Variants in SCAPER observed in about 807,000 individuals in gnomAD.
The protein encoded by SCAPER is S-phase cyclin A associated protein in the ER.
In SCAPER, 98 loss-of-function variants were observed where a neutral mutation model predicts 182.2. The ratio of observed to expected loss-of-function variants is 0.54; its 90% CI spans 0.46 to 0.64. The LOEUF is 0.64. SCAPER is among the 30% of genes least tolerant of loss of function. SCAPER has a pLI of 0.00. For synonymous variants in SCAPER, 605 were observed against 564.6 expected (o/e 1.07, Z -1.01); for missense variants, 1,432 against 1,690.0 (o/e 0.85, Z 2.68).
intron 20 of SCAPER, among the ~76,000 whole-genome samples, chr15:76,699,111 T>G (rs949640586): frequency 2.0e-5 from 3 of 152,336 alleles, no homozygotes; most frequent in African/African-American, 4.8e-5. Context: ...TCTACATTCA[T>G]TTTGTGTCCT....
chr15:76,391,045 A>C (rs1172662613), intron 27 of SCAPER, among the ~76,000 whole-genome samples: 2 of 152,052 alleles, frequency 1.3e-5, no homozygotes, highest in Non-Finnish European at 2.9e-5. Flanking sequence ...CAGATTTCTC[A>C]CCTTTCTGTC....
Position 76,436,471 on chromosome 15 carries a change from T to C in SCAPER, c.3079-2161A>G, listed in dbSNP as rs1277542062. On this transcript the variant is annotated intron_variant, in intron 25 of 31. Transcript: ENST00000563290. ...TTTCCTGCTTCTTTGGAGACTTCCT[T>C]ATTTTCTGGTCCTATTACTTTTTTT... Among the ~76,000 whole-genome samples, 10 of 152,302 alleles carry C rather than the reference T, an allele frequency of 6.6e-5. No individual in the cohort carries two copies. The East Asian group carries it at 1.9e-3, about 29-fold the overall frequency.
At chr15:76,851,109 T>G (rs1228916798) in intron 4 of SCAPER, among the ~76,000 whole-genome samples, 2 of 151,996 alleles carry the variant, frequency 1.3e-5, no homozygotes, top group Non-Finnish European at 2.9e-5. Context: ...ATCTCAGAAC[T>G]TGAAGGCTGG....
chr15:76,428,813 T>C (rs1195386333), intron 26 of SCAPER, among the ~76,000 whole-genome samples: 3 of 141,198 alleles, frequency 2.1e-5, no homozygotes, highest in Non-Finnish European at 3.0e-5. Context: ...TTACCACAAA[T>C]GACAAATGTA....
chr15:76,870,724 A>C (rs1312064405), intron 2 of SCAPER, among the ~76,000 whole-genome samples: 1 of 152,104 alleles, frequency 6.6e-6, no homozygotes, highest in Non-Finnish European at 1.5e-5. Context: ...AAGAGACATA[A>C]GAAATTTTTA....
At chr15:76,624,775 A>C (rs2052415569) in intron 21 of SCAPER, among the ~76,000 whole-genome samples, 1 of 152,142 alleles carries the variant, frequency 6.6e-6, no homozygotes, top group Non-Finnish European at 1.5e-5. Flanking sequence ...AAACACTGAT[A>C]CCGGCGTTAG....
chr15:76,534,998 C>A (rs1416916757), intron 23 of SCAPER, among the ~76,000 whole-genome samples: 2 of 151,952 alleles, frequency 1.3e-5, no homozygotes, highest in Non-Finnish European at 2.9e-5. Flanking sequence ...GAGGTCACTG[C>A]AAAACATGGT....
intron 20 of SCAPER, among the ~76,000 whole-genome samples, chr15:76,681,344 T>A (rs2057691042): frequency 6.6e-6 from 1 of 152,148 alleles, no homozygotes; most frequent in East Asian, 1.9e-4. Flanking sequence ...AAACAAATCC[T>A]CAACTAAAAG....
intron 23 of SCAPER, among the ~76,000 whole-genome samples, chr15:76,515,303 T>A (rs1335064785): frequency 6.6e-6 from 1 of 152,202 alleles, no homozygotes; most frequent in Non-Finnish European, 1.5e-5. Flanking sequence ...GTGCAGTAAC[T>A]GAAGGACAGA....
At chr15:76,651,537 T>C (rs1189195480) in intron 21 of SCAPER, among the ~76,000 whole-genome samples, 1 of 148,446 alleles carries the variant, frequency 6.7e-6, no homozygotes, top group Admixed American at 6.8e-5. Context: ...CCTAATTCAA[T>C]CCAAGCACAA....
chr15:76,455,872 T>C (rs2048694867), intron 25 of SCAPER, among the ~76,000 whole-genome samples: 1 of 152,128 alleles, frequency 6.6e-6, no homozygotes. Context: ...CCCCTCCCTG[T>C]GTCCATGTAA....
intron 17 of SCAPER, among the ~76,000 whole-genome samples, chr15:76,721,865 T>A (rs942595255): frequency 6.6e-6 from 1 of 152,192 alleles, no homozygotes; most frequent in African/African-American, 2.4e-5. Context: ...AATCATGTCA[T>A]CGGCAAACAG....
At chr15:76,815,873 G>C (rs1333130435) in intron 5 of SCAPER, among the ~76,000 whole-genome samples, 1 of 152,200 alleles carries the variant, frequency 6.6e-6, no homozygotes, top group African/African-American at 2.4e-5. Context: ...TGCCAAAAAG[G>C]TTGAGGACTA....
At chr15:76,386,963 C>T (rs2043331940) in intron 27 of SCAPER, among the ~76,000 whole-genome samples, 3 of 152,200 alleles carry the variant, frequency 2.0e-5, no homozygotes, top group African/African-American at 7.2e-5. Context: ...GGGTTGAAAA[C>T]TCTTTAGAAC....
chr15:76,561,021 AT>A (rs955259456), intron 23 of SCAPER, among the ~76,000 whole-genome samples: 2 of 149,892 alleles, frequency 1.3e-5, no homozygotes, highest in Non-Finnish European at 3.0e-5. Context: ...AATTTCTCTC[AT>A]TTTTTTTTAG....
chr15:76,365,119 A>G (rs773209911), intron 29 of SCAPER, among the ~76,000 whole-genome samples: 3 of 152,132 alleles, frequency 2.0e-5, no homozygotes, highest in South Asian at 2.1e-4. Context: ...CAGGCACTCA[A>G]TAAATGTCTG....
chr15:76,445,664 G>T (rs931333699), intron 25 of SCAPER, among the ~76,000 whole-genome samples: 4 of 152,122 alleles, frequency 2.6e-5, no homozygotes, highest in African/African-American at 9.7e-5. Flanking sequence ...TGAGGGGATG[G>T]GATAGGGCTT....
chr15:76,855,783 A>G, intron 4 of SCAPER: 1 of 343,572 alleles, frequency 2.9e-6, no homozygotes, highest in African/African-American at 2.1e-5. Context: ...GATCTTGGCA[A>G]GGTTGTGGAG....
At chr15:76,673,952 T>TACACACAC (rs71447120) in intron 20 of SCAPER, among the ~76,000 whole-genome samples, 2,495 of 146,426 alleles carry the variant, frequency 0.017, 51 homozygotes, top group African/African-American at 0.048. Context: ...AATTTATCTA[T>TACACACAC]ACACACACAC....
Sources: gnomAD v4.1 joint callset for allele counts (sites outside exome capture counted in the v4.1 genomes callset) on GRCh38, gnomAD v4.1.1 for gene constraint, MANE v1.5 for transcripts, NCBI Gene and HGNC (gene_info 2026-07-23, HGNC 2026-07-21) for gene names.